Variants in ACADSB observed in about 807,000 individuals in gnomAD.
ACADSB encodes short/branched chain specific acyl-CoA dehydrogenase, mitochondrial.
In ACADSB, 40 loss-of-function variants were observed where a neutral mutation model predicts 54.1. The observed-to-expected ratio is 0.74, with a 90% CI of 0.57 to 0.96. The LOEUF (loss-of-function observed/expected upper bound fraction) is 0.96, where lower values mean the gene tolerates loss of function less well. Among genes scored for constraint, ACADSB ranks in the 40% least tolerant of loss-of-function variants. The probability of loss-of-function intolerance (pLI) is 0.00; values close to 1 mark genes in which losing one functional copy is unlikely to be tolerated. For missense variants in ACADSB, 530 were observed against 510.4 expected (o/e 1.04, Z -0.37); for synonymous variants, 182 against 182.8 (o/e 1.00, Z 0.03).
chr10:123,022,968 T>C (rs9423315), intron 1 of ACADSB, among the ~76,000 whole-genome samples: 15,997 of 152,262 alleles, frequency 0.11, 897 homozygotes, highest in Middle Eastern at 0.17. Flanking sequence ...TTTCAACAGT[T>C]TATCTAGATT....
At chr10:123,046,926 A>C (rs562791289) in intron 7 of ACADSB, among the ~76,000 whole-genome samples, 1 of 152,334 alleles carries the variant, frequency 6.6e-6, no homozygotes, top group East Asian at 1.9e-4. Flanking sequence ...TTAACCTAAA[A>C]AGGTTGTGTG....
At chr10:123,039,052 A>G (rs1240710095) in intron 3 of ACADSB, among the ~76,000 whole-genome samples, 7 of 152,226 alleles carry the variant, frequency 4.6e-5, no homozygotes, top group African/African-American at 1.7e-4. Context: ...GTGCAGATGC[A>G]GCCTCACCTG....
chr10:123,024,572 C>T (rs1271260308), intron 1 of ACADSB, among the ~76,000 whole-genome samples: 5 of 152,268 alleles, frequency 3.3e-5, no homozygotes, highest in Admixed American at 3.3e-4. Flanking sequence ...TACCACCTGG[C>T]TGGCTAACCA....
At chr10:123,041,442 T>G (rs1280030120) in intron 5 of ACADSB, 63 bp downstream of exon 5, 4 of 1,542,568 alleles carry the variant, frequency 2.6e-6, no homozygotes, top group Non-Finnish European at 2.7e-6. Flanking sequence ...TCTTTATCTT[T>G]TCCTCCTTCT....
At chr10:123,042,806 G>A (rs1406679030) in intron 5 of ACADSB, among the ~76,000 whole-genome samples, 2 of 152,036 alleles carry the variant, frequency 1.3e-5, no homozygotes, top group Non-Finnish European at 2.9e-5. Flanking sequence ...TTATATAATA[G>A]TGTAATAATA....
At chr10:123,030,995 T>C (rs990508443) in intron 1 of ACADSB, among the ~76,000 whole-genome samples, 3 of 152,238 alleles carry the variant, frequency 2.0e-5, no homozygotes, top group Non-Finnish European at 4.4e-5. Flanking sequence ...AATTGTGATA[T>C]AGTAATGTGT....
chr10:123,032,019 G>A (rs1475341867), intron 1 of ACADSB, among the ~76,000 whole-genome samples: 6 of 151,142 alleles, frequency 4.0e-5, no homozygotes, highest in South Asian at 4.2e-4. Flanking sequence ...TCACTTTGTC[G>A]CCCAGGCTGG....
At chr10:123,026,103 GT>G (rs1239050684) in intron 1 of ACADSB, among the ~76,000 whole-genome samples, 1 of 152,034 alleles carries the variant, frequency 6.6e-6, no homozygotes, top group East Asian at 1.9e-4. Flanking sequence ...AGAATGCCTT[GT>G]GATACAATTT....
At position 123,055,531 on chromosome 10, in the gene ACADSB, A is replaced by G. The variant is rs949359497; in HGVS notation, c.*1766A>G. On this transcript the variant is annotated 3_prime_UTR_variant, in exon 11 of 11. Transcript: ENST00000358776. ...CTCATGTCCTCACATTTCAAAACCA[A>G]TCATGCCTTCCCAACAGTCCCCCAA... 2.0e-5 allele frequency: 3 copies of G among 152,240 alleles called. No homozygotes were observed. Among genetic ancestry groups the G allele is most frequent in the African/African-American group, 7.2e-5 (3 of 41,528 alleles). The allele number at this position is 152,240 out of a possible 1,614,324, so 9.4% of individuals were successfully genotyped here.
At chr10:123,012,704 A>C (rs1850052851) in intron 1 of ACADSB, among the ~76,000 whole-genome samples, 1 of 152,116 alleles carries the variant, frequency 6.6e-6, no homozygotes, top group African/African-American at 2.4e-5. Context: ...CGCTGGCTTC[A>C]GGAGTGAAGC....
At chr10:123,025,903 A>G (rs2133465828) in intron 1 of ACADSB, among the ~76,000 whole-genome samples, 1 of 152,264 alleles carries the variant, frequency 6.6e-6, no homozygotes, top group African/African-American at 2.4e-5. Context: ...TCTACTAAAA[A>G]TACAAAAATT....
intron 5 of ACADSB, among the ~76,000 whole-genome samples, chr10:123,041,976 T>C (rs1411421278): frequency 3.3e-5 from 5 of 150,568 alleles, no homozygotes; most frequent in African/African-American, 1.2e-4. Flanking sequence ...CTTTTTTTTT[T>C]TTTTTTTAAT....
At chr10:123,009,172 GA>G in intron 1 of ACADSB, 101 bp downstream of exon 1, 1 of 1,311,416 alleles carries the variant, frequency 7.6e-7, no homozygotes, top group Non-Finnish European at 1.1e-6. Context: ...GCGCCGGCCT[GA>G]GCCCCGCTCC....
At chr10:123,020,057 C>T (rs2133459690) in intron 1 of ACADSB, among the ~76,000 whole-genome samples, 2 of 152,018 alleles carry the variant, frequency 1.3e-5, no homozygotes, top group South Asian at 4.1e-4. Flanking sequence ...AATTAAATAA[C>T]AAAAGACAGA....
At chr10:123,041,500 T>C (rs1369459975) in intron 5 of ACADSB, 121 bp downstream of exon 5, 2 of 1,019,620 alleles carry the variant, frequency 2.0e-6, no homozygotes, top group Non-Finnish European at 1.5e-6. Context: ...TTCTCAGTAC[T>C]GAAAATGTCA....
intron 5 of ACADSB, among the ~76,000 whole-genome samples, chr10:123,042,473 T>TC (rs1850488045): frequency 6.7e-6 from 1 of 149,420 alleles, no homozygotes; most frequent in African/African-American, 2.5e-5. Flanking sequence ...TTTTTTTTTT[T>TC]TTTTGAGACG....
At position 123,052,664 on chromosome 10, in the gene ACADSB, G is replaced by A. The variant is rs971923046; in HGVS notation, c.1129-397G>A. ...CCATTCTCTTTTCACATTTCACCCC[G>A]ATCCCAGCCCACTGGCTGTCTCAGG... On this transcript the variant is annotated intron_variant, in intron 9 of 10. Transcript: ENST00000358776. This position sits in a 1 kb window ranked among gnomAD's most constrained non-coding sequence, Gnocchi z 4.2. 2.5e-5 allele frequency: 7 copies of A among 277,384 alleles called. No homozygotes were observed. The highest frequency in any genetic ancestry group is 6.7e-5 in the African/African-American group (3 of 45,016). The allele number at this position is 277,384 out of a possible 1,614,324, so 17.2% of individuals were successfully genotyped here. A position where few individuals can be genotyped will look rare whatever the true frequency, so the allele number is the denominator to read the frequency against.
intron 9 of ACADSB, among the ~76,000 whole-genome samples, chr10:123,051,769 G>C (rs923679791): frequency 2.0e-5 from 3 of 152,092 alleles, no homozygotes; most frequent in Non-Finnish European, 2.9e-5. Context: ...TCATTCCATG[G>C]CTTTAAATTC....
intron 8 of ACADSB, among the ~76,000 whole-genome samples, chr10:123,047,534 AC>A (rs1850576992): frequency 6.6e-6 from 1 of 152,014 alleles, no homozygotes; most frequent in Non-Finnish European, 1.5e-5. Context: ...CTCGGTGAGC[AC>A]CGTGAAGCTG....
Sources: gnomAD v4.1 joint callset for allele counts (sites outside exome capture counted in the v4.1 genomes callset) on GRCh38, gnomAD v4.1.1 for gene constraint, Gnocchi (gnomAD v3.1) non-coding constraint, MANE v1.5 for transcripts, NCBI Gene and HGNC (gene_info 2026-07-23, HGNC 2026-07-21) for gene names.